RABGAP1L: variants seen among roughly 807,000 people sequenced by gnomAD.
RABGAP1L encodes rab GTPase-activating protein 1-like.
A neutral mutation model predicts 137.7 loss-of-function variants in RABGAP1L; 63 were observed. The ratio of observed to expected loss-of-function variants is 0.46; its 90% CI spans 0.37 to 0.56. RABGAP1L has a LOEUF of 0.56. Among genes scored for constraint, RABGAP1L ranks in the 20% least tolerant of loss-of-function variants. RABGAP1L has a pLI of 0.00. For synonymous variants in RABGAP1L, 431 were observed against 433.7 expected (o/e 0.99, Z 0.08); for missense variants, 1,095 against 1,244.0 (o/e 0.88, Z 1.80).
At chr1:174,803,755 T>C (rs1244684369) in intron 18 of RABGAP1L, among the ~76,000 whole-genome samples, 1 of 151,914 alleles carries the variant, frequency 6.6e-6, no homozygotes, top group Admixed American at 6.6e-5. Context: ...AGTGGAAATA[T>C]TTCCACCCAC....
chr1:174,541,791 T>C (rs1031954858), intron 13 of RABGAP1L, among the ~76,000 whole-genome samples: 9 of 152,138 alleles, frequency 5.9e-5, no homozygotes, highest in African/African-American at 2.2e-4. Context: ...AAAAAAAAGT[T>C]TTTAGCGTGA....
chr1:174,162,509 G>A (rs1664551853), intron 1 of RABGAP1L, among the ~76,000 whole-genome samples: 2 of 152,148 alleles, frequency 1.3e-5, no homozygotes, highest in African/African-American at 4.8e-5. Flanking sequence ...TGAAGGTGTA[G>A]AAGTGGGCCT....
Position 174,323,964 on chromosome 1 carries a change from T to C in RABGAP1L, c.1465+18837T>C, listed in dbSNP as rs576678770. Reference sequence around the variant, plus strand: ...GATATGCTCTATAATGGAAGAGTCATTTACTTATGAAAAACAACATTACTA... The same window carrying C: ...GATATGCTCTATAATGGAAGAGTCACTTACTTATGAAAAACAACATTACTA... On this transcript the variant is annotated intron_variant, in intron 11 of 25. Transcript: ENST00000681986. Among the ~76,000 whole-genome samples the C allele has an allele frequency of 2.5e-3, 384 of 152,248 alleles. 3 individuals are homozygous for C. The highest frequency in any genetic ancestry group is 8.8e-3 in the African/African-American group (364 of 41,570).
intron 18 of RABGAP1L, among the ~76,000 whole-genome samples, chr1:174,800,891 G>A (rs1487972799): frequency 6.6e-6 from 1 of 152,222 alleles, no homozygotes; most frequent in African/African-American, 2.4e-5. Flanking sequence ...TCTAGACTGT[G>A]TGTGGTTTGC....
At chr1:174,754,282 A>G (rs1205229437) in intron 18 of RABGAP1L, among the ~76,000 whole-genome samples, 1 of 152,174 alleles carries the variant, frequency 6.6e-6, no homozygotes, top group East Asian at 1.9e-4. Flanking sequence ...TGACCCCCCC[A>G]ATAGACAGAG....
intron 19 of RABGAP1L, among the ~76,000 whole-genome samples, chr1:174,825,806 G>A (rs1055564601): frequency 1.3e-5 from 2 of 152,154 alleles, no homozygotes; most frequent in Non-Finnish European, 2.9e-5. Context: ...CAGGAGAATC[G>A]CTTGAACCCA....
chr1:174,836,513 A>G (rs1384542436), intron 19 of RABGAP1L, among the ~76,000 whole-genome samples: 1 of 152,224 alleles, frequency 6.6e-6, no homozygotes, highest in Non-Finnish European at 1.5e-5. Context: ...GGGATACAAA[A>G]TAATCATAAA....
chr1:174,302,980 A>G (rs1271650343), intron 10 of RABGAP1L, among the ~76,000 whole-genome samples: 1 of 152,146 alleles, frequency 6.6e-6, no homozygotes, highest in Non-Finnish European at 1.5e-5. Context: ...GAAAGATGAA[A>G]ATTAACAAGG....
At chr1:174,530,368 G>A (rs1382932692) in intron 13 of RABGAP1L, among the ~76,000 whole-genome samples, 1 of 152,146 alleles carries the variant, frequency 6.6e-6, no homozygotes, top group Admixed American at 6.5e-5. Context: ...ACTCAAAAAT[G>A]GTACCTTGCT....
intron 14 of RABGAP1L, among the ~76,000 whole-genome samples, chr1:174,645,782 A>AG (rs887175740): frequency 6.6e-6 from 1 of 151,182 alleles, no homozygotes; most frequent in African/African-American, 2.4e-5. Flanking sequence ...TAGATCCTTG[A>AG]GGAATCTTCC....
In RABGAP1L at chr1:174,957,444, C is replaced by A; in HGVS notation, c.2341-13C>A. The stretch of plus-strand genomic sequence containing the variant: ...TGTCCTTGTCTAACATGGTTTTCCT[C>A]AAATCCCTGCAGGTACCAACCAAGA... On this transcript the variant is annotated splice_polypyrimidine_tract_variant and intron_variant, in intron 19 of 25. Coordinates refer to ENST00000681986, the MANE Select transcript of RABGAP1L (RefSeq NM_001366446.1). The A allele has an allele frequency of 6.2e-7, 1 of 1,603,114 alleles. No homozygotes were observed. The highest frequency in any genetic ancestry group is 8.5e-7 in the Non-Finnish European group (1 of 1,170,274).
intron 11 of RABGAP1L, among the ~76,000 whole-genome samples, chr1:174,365,773 T>G (rs1245873375): frequency 2.0e-5 from 3 of 152,226 alleles, no homozygotes; most frequent in Non-Finnish European, 4.4e-5. Flanking sequence ...ATGCCTCTTT[T>G]GGTAATACAA....
At chr1:174,600,814 G>T (rs1053431077) in intron 13 of RABGAP1L, among the ~76,000 whole-genome samples, 1 of 152,156 alleles carries the variant, frequency 6.6e-6, no homozygotes, top group Non-Finnish European at 1.5e-5. Context: ...ACTGTCCGTG[G>T]ATCTACCATT....
At position 174,370,865 on chromosome 1, in the gene RABGAP1L, A is replaced by C. The variant is rs1685062159; in HGVS notation, c.1466-114A>C. ...TGTTATTTTTGCAATGCATGTAATA[A>C]TATGAAGAGAAGCTGGTTTTATTAG... On this transcript the variant is annotated intron_variant, in intron 11 of 25. Coordinates refer to ENST00000681986, the MANE Select transcript of RABGAP1L (RefSeq NM_001366446.1). The C allele has an allele frequency of 6.6e-6, 3 of 451,644 alleles. No homozygotes were observed. In the East Asian group the frequency reaches 1.1e-4, roughly 16 times the overall value. The allele number at this position is 451,644 out of a possible 1,614,324, so 28.0% of individuals were successfully genotyped here. A position where few individuals can be genotyped will look rare whatever the true frequency, so the allele number is the denominator to read the frequency against.
At chr1:174,351,478 T>C (rs1683185026) in intron 11 of RABGAP1L, among the ~76,000 whole-genome samples, 1 of 152,186 alleles carries the variant, frequency 6.6e-6, no homozygotes, top group Non-Finnish European at 1.5e-5. Context: ...TCCAGCACTT[T>C]AAAATGTCAT....
chr1:174,427,268 A>G lies in RABGAP1L; in HGVS notation c.1710+33123A>G, dbSNP rs1482872195. Among the ~76,000 whole-genome samples, 15 of 151,838 alleles carry G rather than the reference A, an allele frequency of 9.9e-5. No individual in the cohort carries two copies. In the East Asian group the frequency reaches 2.7e-3, roughly 27 times the overall value. ...AGTGGGCCAAAAATTACCCAAGATG[A>G]TTGCTGATCCCAACTTCGATCTTCT... is the stretch of plus-strand genomic sequence containing the variant. On this transcript the variant is annotated intron_variant, in intron 13 of 25. Transcript: ENST00000681986.
At chr1:174,337,425 G>C (rs1406892523) in intron 11 of RABGAP1L, among the ~76,000 whole-genome samples, 1 of 152,170 alleles carries the variant, frequency 6.6e-6, no homozygotes, top group Non-Finnish European at 1.5e-5. Flanking sequence ...TTATGAGGCA[G>C]TGTTTGAGGT....
intron 13 of RABGAP1L, among the ~76,000 whole-genome samples, chr1:174,521,167 A>G (rs2147846746): frequency 1.3e-5 from 2 of 152,350 alleles, no homozygotes; most frequent in East Asian, 3.9e-4. Flanking sequence ...GGCTAAAGAA[A>G]TTAATTTGAT....
At chr1:174,415,643 T>C (rs1571695881) in intron 13 of RABGAP1L, among the ~76,000 whole-genome samples, 1 of 152,124 alleles carries the variant, frequency 6.6e-6, no homozygotes, top group Admixed American at 6.6e-5. Context: ...GCTCTTTATA[T>C]CTTCAGTTCT....
Sources: allele counts gnomAD v4.1 joint callset (sites outside exome capture counted in the v4.1 genomes callset), GRCh38; gene constraint gnomAD v4.1.1; transcripts MANE v1.5; gene names NCBI Gene and HGNC (gene_info 2026-07-23, HGNC 2026-07-21).